Variants in SPSB1 observed in about 807,000 individuals in gnomAD.
SPSB1 encodes the protein SPRY domain-containing SOCS box protein 1.
Under a neutral mutation model 21.2 loss-of-function variants are expected in SPSB1, and 8 were observed. The observed-to-expected ratio is 0.38, with a 90% CI of 0.22 to 0.68. The LOEUF is 0.68. Among genes scored for constraint, SPSB1 ranks in the 30% least tolerant of loss-of-function variants. The probability of loss-of-function intolerance (pLI) is 0.53; values close to 1 mark genes in which losing one functional copy is unlikely to be tolerated. For missense variants in SPSB1, 242 were observed against 377.8 expected, an observed-to-expected ratio of 0.64 and a Z score of 2.98; for synonymous variants, 169 against 161.7, an observed-to-expected ratio of 1.05 and a Z score of -0.34.
At chr1:9,353,965 C>T (rs1160231622) in intron 1 of SPSB1, among the ~76,000 whole-genome samples, 3 of 150,728 alleles carry the variant, frequency 2.0e-5, no homozygotes, top group Non-Finnish European at 2.9e-5. Flanking sequence ...AAGGGGAGGG[C>T]GAGAAGCATG....
intron 1 of SPSB1, among the ~76,000 whole-genome samples, chr1:9,353,171 A>ACCTCGAGAGCCGCCTCAGCCCGCCCGGCC (rs531911922): frequency 1.3e-4 from 19 of 151,904 alleles, no homozygotes; most frequent in South Asian, 4.2e-4. Flanking sequence ...TGCAGCTCTG[A>ACCTCGAGAGCCGCCTCAGCCCGCCCGGCC]CCTCGAGAGC....
Position 9,367,620 on chromosome 1 carries a change from T to A in SPSB1, c.*45T>A. The A allele has an allele frequency of 6.5e-7, 1 of 1,541,464 alleles. No homozygotes were observed. The highest frequency in any genetic ancestry group is 8.8e-7 in the Non-Finnish European group (1 of 1,141,380). ...AGCGCGACAGCCACCTGGTGCCAAC[T>A]CACTGAGCCGCCTGCCGCTGGGGCC... On this transcript the variant is annotated 3_prime_UTR_variant, in exon 3 of 3. Coordinates refer to ENST00000328089, the MANE Select transcript of SPSB1 (RefSeq NM_025106.4). This position sits in a 1 kb window ranked among gnomAD's most constrained non-coding sequence, Gnocchi z 5.9.
At chr1:9,313,194 C>T (rs565239012) in intron 1 of SPSB1, among the ~76,000 whole-genome samples, 4 of 152,014 alleles carry the variant, frequency 2.6e-5, no homozygotes, top group African/African-American at 4.8e-5. Flanking sequence ...GTTTGGAGTT[C>T]GAGACCAGCC....
intron 2 of SPSB1, among the ~76,000 whole-genome samples, chr1:9,360,018 G>C (rs1355668424): frequency 6.6e-6 from 1 of 152,202 alleles, no homozygotes; most frequent in Non-Finnish European, 1.5e-5. Flanking sequence ...GGAGGAGCAG[G>C]TGTTAAATTT....
chr1:9,330,473 T>C (rs200272075), intron 1 of SPSB1, among the ~76,000 whole-genome samples: 1 of 125,760 alleles, frequency 8.0e-6, no homozygotes, highest in East Asian at 2.7e-4. Flanking sequence ...CTCAAAATAA[T>C]AACAATAATA....
chr1:9,337,657 G>A (rs1038929152), intron 1 of SPSB1, among the ~76,000 whole-genome samples: 1 of 152,168 alleles, frequency 6.6e-6, no homozygotes, highest in Non-Finnish European at 1.5e-5. Context: ...GGTGGCATCC[G>A]CTCAGAGCCT....
chr1:9,338,097 G>T (rs952038069), intron 1 of SPSB1, among the ~76,000 whole-genome samples: 2 of 152,172 alleles, frequency 1.3e-5, no homozygotes, highest in African/African-American at 4.8e-5. Flanking sequence ...GTGCTCAGAT[G>T]GGGGAGGGGC....
chr1:9,329,614 A>G (rs191024694), intron 1 of SPSB1, among the ~76,000 whole-genome samples: 4 of 151,902 alleles, frequency 2.6e-5, no homozygotes, highest in Admixed American at 2.6e-4. Flanking sequence ...GAATCCCTTG[A>G]ACCAGGATGG....
At chr1:9,331,172 G>A (rs1156657888) in intron 1 of SPSB1, among the ~76,000 whole-genome samples, 1 of 151,978 alleles carries the variant, frequency 6.6e-6, no homozygotes, top group Non-Finnish European at 1.5e-5. Flanking sequence ...TAATTGCTGT[G>A]TAACAACGGT....
chr1:9,340,282 T>TG (rs956061150), intron 1 of SPSB1, among the ~76,000 whole-genome samples: 7 of 150,778 alleles, frequency 4.6e-5, no homozygotes, highest in African/African-American at 1.5e-4. Context: ...AGGAGGGGCC[T>TG]GGGGGGGAAG....
intron 1 of SPSB1, among the ~76,000 whole-genome samples, chr1:9,313,417 G>C (rs570461771): frequency 6.6e-6 from 1 of 152,208 alleles, no homozygotes; most frequent in Admixed American, 6.5e-5. Flanking sequence ...TCTATAAAAT[G>C]AAATAAAATA....
intron 1 of SPSB1, among the ~76,000 whole-genome samples, chr1:9,351,165 C>T (rs1640249300): frequency 6.6e-6 from 1 of 152,234 alleles, no homozygotes; most frequent in South Asian, 2.1e-4. Context: ...ACATTCATGC[C>T]CATTGATTTA....
rs1639144360 is a variant in SPSB1, at chr1:9,292,977, G to A, written c.-244G>A. 2 of 983,156 alleles carry A rather than the reference G, an allele frequency of 2.0e-6. No individual in the cohort carries two copies. The highest frequency in any genetic ancestry group is 2.4e-6 in the Non-Finnish European group (2 of 828,868). 60.9% of individuals were successfully genotyped at this position (983,156 alleles called of 1,614,324 possible). Reference sequence around the variant, plus strand: ...CCGGCGCCGGGGCCGGGGCCGCGGGGAGGAGGCGACTTCGCTCCCTGCGGC... The same window carrying A: ...CCGGCGCCGGGGCCGGGGCCGCGGGAAGGAGGCGACTTCGCTCCCTGCGGC... On this transcript the variant is annotated 5_prime_UTR_variant, in exon 1 of 3. Coordinates refer to ENST00000328089, the MANE Select transcript of SPSB1 (RefSeq NM_025106.4).
chr1:9,304,216 C>T (rs116481604), intron 1 of SPSB1, among the ~76,000 whole-genome samples: 8 of 152,282 alleles, frequency 5.3e-5, no homozygotes, highest in African/African-American at 1.4e-4. Context: ...CATTGGTCCC[C>T]GGGGTCTTTG....
chr1:9,366,717 G>A (rs991927885), intron 2 of SPSB1, among the ~76,000 whole-genome samples: 1 of 152,038 alleles, frequency 6.6e-6, no homozygotes, highest in Non-Finnish European at 1.5e-5. Context: ...GGGATTACAG[G>A]CACACACCAC....
At chr1:9,337,603 C>T (rs1640024906) in intron 1 of SPSB1, among the ~76,000 whole-genome samples, 1 of 152,178 alleles carries the variant, frequency 6.6e-6, no homozygotes, top group African/African-American at 2.4e-5. Flanking sequence ...TGCAGCGCCT[C>T]CAGCCTTGCT....
At chr1:9,310,707 AAGAG>A (rs1410318333) in intron 1 of SPSB1, among the ~76,000 whole-genome samples, 2 of 151,776 alleles carry the variant, frequency 1.3e-5, no homozygotes, top group East Asian at 1.9e-4. Context: ...AAAAAAAAAA[AAGAG>A]AGACCTGGGC....
rs369249392 is a variant in SPSB1 at position 9,356,323 on chromosome 1, G to A, written c.432G>A (p.Leu144=). 8 of 1,613,782 alleles carry A rather than the reference G, an allele frequency of 5.0e-6. No homozygotes were observed. The African/African-American group carries it at 1.1e-4, about 22-fold the overall frequency. Residue 144 remains leucine (L), a synonymous_variant, in exon 2 of 3, where the codon TTG becomes TTA. Coordinates refer to ENST00000328089, the MANE Select transcript of SPSB1 (RefSeq NM_025106.4). The surrounding 1 kb of genome is among the most constrained non-coding windows in gnomAD (Gnocchi z 7.4). ...GNNHESWGWD[L]GRNRLYHDGK... ...ACCACGAGTCCTGGGGCTGGGACTTGGGGCGCAACCGGCTCTACCACGATG... is the reference window on the plus strand; with the variant it reads ...ACCACGAGTCCTGGGGCTGGGACTTAGGGCGCAACCGGCTCTACCACGATG...
At chr1:9,361,843 C>G (rs367892247) in intron 2 of SPSB1, among the ~76,000 whole-genome samples, 1 of 152,264 alleles carries the variant, frequency 6.6e-6, no homozygotes, top group African/African-American at 2.4e-5. Context: ...GCCACCCTCC[C>G]TGGAGATGTG....
Sources: gnomAD v4.1 joint callset for allele counts (sites outside exome capture counted in the v4.1 genomes callset) on GRCh38, gnomAD v4.1.1 for gene constraint, Gnocchi (gnomAD v3.1) non-coding constraint, MANE v1.5 for transcripts, NCBI Gene and HGNC (gene_info 2026-07-23, HGNC 2026-07-21) for gene names.